RABGAP1L: variants seen among roughly 807,000 people sequenced by gnomAD.
The protein encoded by RABGAP1L is rab GTPase-activating protein 1-like.
Under a neutral mutation model 137.7 loss-of-function variants are expected in RABGAP1L, and 63 were observed. The observed-to-expected ratio is 0.46, with a 90% confidence interval of 0.37 to 0.56. The LOEUF is 0.56. Among genes scored for constraint, RABGAP1L ranks in the 20% least tolerant of loss-of-function variants. The pLI is 0.00. For synonymous variants in RABGAP1L, 431 were observed against 433.7 expected (o/e 0.99, Z 0.08); for missense variants, 1,095 against 1,244.0 (o/e 0.88, Z 1.80).
chr1:174,701,197 A>G (rs1679619775), intron 16 of RABGAP1L: 1 of 1,282,074 alleles, frequency 7.8e-7, no homozygotes, highest in Admixed American at 2.7e-5. Context: ...TTTGAAAACC[A>G]TTTGCTTGTT....
intron 11 of RABGAP1L, among the ~76,000 whole-genome samples, chr1:174,320,020 C>T (rs544975316): frequency 1.3e-5 from 2 of 152,210 alleles, no homozygotes; most frequent in South Asian, 4.1e-4. Flanking sequence ...AAAAACAGGA[C>T]ATTTGACTGA....
intron 10 of RABGAP1L, among the ~76,000 whole-genome samples, chr1:174,280,553 G>A (rs957137773): frequency 6.6e-6 from 1 of 152,096 alleles, no homozygotes; most frequent in African/African-American, 2.4e-5. Flanking sequence ...TTTTTTCTTG[G>A]CAACTTTCTT....
chr1:174,781,343 T>C (rs549664809), intron 18 of RABGAP1L, among the ~76,000 whole-genome samples: 88 of 152,370 alleles, frequency 5.8e-4, no homozygotes, highest in African/African-American at 2.0e-3. Context: ...TTTTTTCATG[T>C]GTCTGTTGGC....
At chr1:174,226,629 T>A (rs898564401) in intron 3 of RABGAP1L, among the ~76,000 whole-genome samples, 9 of 152,214 alleles carry the variant, frequency 5.9e-5, no homozygotes, top group African/African-American at 2.2e-4. Context: ...GTTTTCTTAA[T>A]GAATTGACCA....
At chr1:174,739,617 A>T (rs531211232) in intron 17 of RABGAP1L, among the ~76,000 whole-genome samples, 1 of 152,300 alleles carries the variant, frequency 6.6e-6, no homozygotes, top group Non-Finnish European at 1.5e-5. Flanking sequence ...GTGTGTTATG[A>T]AAGCTCCCCA....
At chr1:174,947,638 T>G (rs192911105) in intron 19 of RABGAP1L, among the ~76,000 whole-genome samples, 160 of 152,186 alleles carry the variant, frequency 1.1e-3, no homozygotes, top group African/African-American at 3.7e-3. Flanking sequence ...CAGGCTGGTC[T>G]CAAACTCCCG....
intron 19 of RABGAP1L, among the ~76,000 whole-genome samples, chr1:174,864,535 AAAATGGGGAAAAGCCCCT>A: frequency 6.6e-6 from 1 of 152,330 alleles, no homozygotes; most frequent in South Asian, 2.1e-4. Flanking sequence ...GAATGCGAGC[AAAATGGGGAAAAGCCCCT>A]TCTAAAACCA....
At chr1:174,286,652 G>A (rs1042352287) in intron 10 of RABGAP1L, among the ~76,000 whole-genome samples, 18 of 151,780 alleles carry the variant, frequency 1.2e-4, no homozygotes, top group Admixed American at 1.2e-3. Context: ...TAAGTTGTTT[G>A]AGGTCTTTTT....
chr1:174,956,390 C>A (rs1477366838), intron 19 of RABGAP1L, among the ~76,000 whole-genome samples: 1 of 152,050 alleles, frequency 6.6e-6, no homozygotes, highest in East Asian at 1.9e-4. Flanking sequence ...TTACTGAGGG[C>A]TTTTATACTA....
Position 174,371,943 on chromosome 1 carries a change from G to A in RABGAP1L, c.1559+871G>A, listed in dbSNP as rs77793853. The stretch of plus-strand genomic sequence containing the variant: ...GGAAATATGTATTTACAGTTCCAAC[G>A]GTTGGAATACTGATGATTTTTCATT... On this transcript the variant is annotated intron_variant, in intron 12 of 25. Coordinates refer to ENST00000681986, the MANE Select transcript of RABGAP1L (RefSeq NM_001366446.1). 5.3e-5 allele frequency among the ~76,000 whole-genome samples: 8 copies of A among 152,194 alleles called. No homozygotes were observed. In the East Asian group the frequency reaches 1.4e-3, roughly 26 times the overall value.
At chr1:174,609,423 C>A (rs1671019087) in intron 13 of RABGAP1L, among the ~76,000 whole-genome samples, 2 of 152,120 alleles carry the variant, frequency 1.3e-5, no homozygotes, top group African/African-American at 2.4e-5. Flanking sequence ...ACATAAAAAT[C>A]ATTGTTCCTC....
chr1:174,642,758 C>T (rs1377963928), intron 14 of RABGAP1L, among the ~76,000 whole-genome samples: 2 of 106,584 alleles, frequency 1.9e-5, no homozygotes, highest in Non-Finnish European at 3.6e-5. Flanking sequence ...TCCCCTTCTT[C>T]CCCTCTCTCC....
intron 19 of RABGAP1L, among the ~76,000 whole-genome samples, chr1:174,820,088 C>G (rs938015337): frequency 6.6e-6 from 1 of 152,114 alleles, no homozygotes; most frequent in Non-Finnish European, 1.5e-5. Context: ...CTCAAAAGAA[C>G]AGCTAGTCTA....
chr1:174,375,106 T>A (rs955789093), intron 12 of RABGAP1L, among the ~76,000 whole-genome samples: 2 of 152,140 alleles, frequency 1.3e-5, no homozygotes, highest in Admixed American at 1.3e-4. Flanking sequence ...TTTTTGTCAG[T>A]CAAGTTTCTT....
intron 1 of RABGAP1L, among the ~76,000 whole-genome samples, chr1:174,163,999 A>G (rs1664715572): frequency 6.6e-6 from 1 of 152,060 alleles, no homozygotes; most frequent in South Asian, 2.1e-4. Flanking sequence ...TTACTGCTCT[A>G]ATTTTCTGTG....
In RABGAP1L at chr1:174,358,199, C is replaced by T. The variant is rs540581109; in HGVS notation, c.1466-12780C>T. Reference sequence around the variant, plus strand: ...TTGCAAACCAGGGAAACATAGCCTTCGGTGTAAAATGAAGAATGCATTTCA... The same window carrying T: ...TTGCAAACCAGGGAAACATAGCCTTTGGTGTAAAATGAAGAATGCATTTCA... On this transcript the variant is annotated intron_variant, in intron 11 of 25. Coordinates refer to ENST00000681986, the MANE Select transcript of RABGAP1L (RefSeq NM_001366446.1). 7.9e-5 allele frequency among the ~76,000 whole-genome samples: 12 copies of T among 151,832 alleles called. No individual in the cohort carries two copies. In the East Asian group the frequency reaches 1.2e-3, roughly 15 times the overall value.
chr1:174,267,081 C>G (rs1424528451), intron 7 of RABGAP1L, among the ~76,000 whole-genome samples: 1 of 152,154 alleles, frequency 6.6e-6, no homozygotes, highest in Non-Finnish European at 1.5e-5. Flanking sequence ...TATACTTCTG[C>G]TTTGGATTAA....
intron 13 of RABGAP1L, among the ~76,000 whole-genome samples, chr1:174,568,397 A>C (rs184196966): frequency 1.3e-4 from 20 of 152,364 alleles, no homozygotes; most frequent in African/African-American, 4.3e-4. Flanking sequence ...TGATAACATC[A>C]AAGTATTATT....
At chr1:174,202,185 C>G (rs1668160193) in intron 1 of RABGAP1L, among the ~76,000 whole-genome samples, 1 of 152,016 alleles carries the variant, frequency 6.6e-6, no homozygotes, top group Non-Finnish European at 1.5e-5. Flanking sequence ...ATGGCTGGGT[C>G]AAATGGTATT....
Sources: gnomAD v4.1 joint callset for allele counts (sites outside exome capture counted in the v4.1 genomes callset) on GRCh38, gnomAD v4.1.1 for gene constraint, MANE v1.5 for transcripts, NCBI Gene and HGNC (gene_info 2026-07-23, HGNC 2026-07-21) for gene names.